The following PPP1R16B variants were observed in gnomAD, a reference collection of about 807,000 sequenced individuals.
The protein encoded by PPP1R16B is protein phosphatase 1 regulatory inhibitor subunit 16B.
Under a neutral mutation model 61.7 loss-of-function variants are expected in PPP1R16B, and 14 were observed. That is an observed-to-expected ratio of 0.23 (90% CI 0.15 to 0.35). The LOEUF (loss-of-function observed/expected upper bound fraction) is 0.35, where lower values mean the gene tolerates loss of function less well. Among genes scored for constraint, PPP1R16B ranks in the 10% least tolerant of loss-of-function variants. The pLI, the probability that PPP1R16B is intolerant of heterozygous loss-of-function variation, is 1.00. For missense variants in PPP1R16B, 547 were observed against 752.5 expected (o/e 0.73, Z 3.19); for synonymous variants, 266 against 305.3 (o/e 0.87, Z 1.34).
At chr20:38,844,177 A>G (rs562016078) in intron 2 of PPP1R16B, among the ~76,000 whole-genome samples, 289 of 152,334 alleles carry the variant, frequency 1.9e-3, no homozygotes, top group Non-Finnish European at 3.4e-3. Context: ...AGTTACACAG[A>G]TCTTCCAAAT....
intron 2 of PPP1R16B, among the ~76,000 whole-genome samples, chr20:38,864,875 T>A (rs995969232): frequency 6.6e-6 from 1 of 152,200 alleles, no homozygotes; most frequent in Non-Finnish European, 1.5e-5. Flanking sequence ...GCCTGGCCCC[T>A]CCTGGAGCTG....
intron 1 of PPP1R16B, among the ~76,000 whole-genome samples, chr20:38,819,925 G>T (rs2084762136): frequency 6.6e-6 from 1 of 152,070 alleles, no homozygotes; most frequent in African/African-American, 2.4e-5. Flanking sequence ...CACTCCAGAA[G>T]CCCCCTCTCC....
chr20:38,889,542 C>T (rs1033011214), intron 2 of PPP1R16B, 53 bp from the exon 3 acceptor site: 10 of 1,452,118 alleles, frequency 6.9e-6, no homozygotes, highest in African/African-American at 4.2e-5. Flanking sequence ...CCCCTGCATG[C>T]CTGCACACCC....
In PPP1R16B at chr20:38,919,023, T is replaced by C. The variant is rs1000547043; in HGVS notation, c.*357T>C. On this transcript the variant is annotated 3_prime_UTR_variant, in exon 11 of 11. Coordinates refer to ENST00000299824, the MANE Select transcript of PPP1R16B (RefSeq NM_015568.4). ...ATTAACACACACACACACACACATA[T>C]ACACACACACACAAGCTCGATCAGT... 2.1e-5 allele frequency: 4 copies of C among 187,968 alleles called. No homozygotes were observed. The highest frequency in any genetic ancestry group is 2.3e-5 in the African/African-American group (1 of 42,660). The allele number at this position is 187,968 out of a possible 1,614,324, so 11.6% of individuals were successfully genotyped here.
intron 2 of PPP1R16B, among the ~76,000 whole-genome samples, chr20:38,847,399 C>T (rs2084942229): frequency 6.6e-6 from 1 of 152,190 alleles, no homozygotes; most frequent in South Asian, 2.1e-4. Context: ...ACTCTGTCCC[C>T]AGGCTGGAGT....
chr20:38,916,296 ATATATATGT>A (rs1026446125), intron 10 of PPP1R16B, among the ~76,000 whole-genome samples: 19 of 147,746 alleles, frequency 1.3e-4, no homozygotes, highest in South Asian at 2.1e-4. Context: ...TATATATAAC[ATATATATGT>A]TATATATGTT....
intron 2 of PPP1R16B, among the ~76,000 whole-genome samples, chr20:38,845,361 G>A (rs891325605): frequency 5.9e-5 from 9 of 152,102 alleles, no homozygotes; most frequent in Non-Finnish European, 8.8e-5. Flanking sequence ...GTGGGAGGAT[G>A]GCTTGAGCTC....
intron 1 of PPP1R16B, among the ~76,000 whole-genome samples, chr20:38,824,856 CCT>C (rs1175867367): frequency 1.3e-5 from 2 of 152,176 alleles, no homozygotes; most frequent in African/African-American, 2.4e-5. Flanking sequence ...ATGGTGAAAC[CCT>C]GTCTCTGCTA....
At chr20:38,808,403 C>G (rs761437130) in intron 1 of PPP1R16B, among the ~76,000 whole-genome samples, 1 of 152,142 alleles carries the variant, frequency 6.6e-6, no homozygotes, top group Non-Finnish European at 1.5e-5. Context: ...CCCTCCTGCA[C>G]CCAGGACTCT....
intron 2 of PPP1R16B, among the ~76,000 whole-genome samples, chr20:38,884,996 C>G (rs1362479345): frequency 7.3e-6 from 1 of 136,360 alleles, no homozygotes; most frequent in African/African-American, 2.8e-5. Context: ...GAGATCGCAC[C>G]ACTGCACTAC....
intron 2 of PPP1R16B, among the ~76,000 whole-genome samples, chr20:38,858,693 A>G (rs1404366255): frequency 2.6e-5 from 4 of 152,192 alleles, no homozygotes; most frequent in African/African-American, 7.2e-5. Context: ...TGTTTACCAA[A>G]TCCCTGATGC....
intron 1 of PPP1R16B, among the ~76,000 whole-genome samples, chr20:38,831,612 C>T (rs757088091): frequency 7.2e-5 from 11 of 152,094 alleles, no homozygotes; most frequent in East Asian, 1.9e-4. Context: ...TAATGGAGAG[C>T]GTATGTGCCC....
intron 1 of PPP1R16B, among the ~76,000 whole-genome samples, chr20:38,818,289 C>T (rs1237694930): frequency 1.3e-5 from 2 of 152,160 alleles, no homozygotes; most frequent in African/African-American, 4.8e-5. Context: ...ACCTGGCACA[C>T]AGTAGAGTCT....
At chr20:38,889,922 A>G (rs909866) in intron 3 of PPP1R16B, among the ~76,000 whole-genome samples, 19,098 of 152,270 alleles carry the variant, frequency 0.13, 1,354 homozygotes, top group East Asian at 0.31. Flanking sequence ...GCCTTTGTTC[A>G]CTGCATCCCT....
At chr20:38,827,097 A>G (rs2084809622) in intron 1 of PPP1R16B, among the ~76,000 whole-genome samples, 1 of 152,040 alleles carries the variant, frequency 6.6e-6, no homozygotes, top group Non-Finnish European at 1.5e-5. Flanking sequence ...CTAGAGGCAC[A>G]CGCCACCACA....
intron 2 of PPP1R16B, among the ~76,000 whole-genome samples, chr20:38,859,341 C>T (rs527422776): frequency 1.3e-5 from 2 of 151,690 alleles, no homozygotes; most frequent in Admixed American, 1.3e-4. Context: ...GTTCTGAAAT[C>T]GATTGTGGTG....
At chr20:38,911,556 A>G (rs2085490632) in intron 10 of PPP1R16B, among the ~76,000 whole-genome samples, 1 of 148,692 alleles carries the variant, frequency 6.7e-6, no homozygotes, top group African/African-American at 2.5e-5. Flanking sequence ...TTTTAAATTG[A>G]GACAGAGTCT....
At chr20:38,856,160 A>T (rs1459988036) in intron 2 of PPP1R16B, among the ~76,000 whole-genome samples, 11 of 151,646 alleles carry the variant, frequency 7.3e-5, no homozygotes, top group South Asian at 4.2e-4. Flanking sequence ...GATAATGAAG[A>T]AGCAGGTAAG....
chr20:38,823,503 G>T (rs1362240201), intron 1 of PPP1R16B, among the ~76,000 whole-genome samples: 4 of 152,232 alleles, frequency 2.6e-5, no homozygotes, highest in Middle Eastern at 6.8e-3. Context: ...TAGCTGGGCA[G>T]AGTGGCACTT....
Sources: allele counts gnomAD v4.1 joint callset (sites outside exome capture counted in the v4.1 genomes callset), GRCh38; gene constraint gnomAD v4.1.1; transcripts MANE v1.5; gene names NCBI Gene and HGNC (gene_info 2026-07-23, HGNC 2026-07-21).